The following MYO6 variants were observed in gnomAD, a reference collection of about 807,000 sequenced individuals.
MYO6 encodes the protein myosin VI.
Under a neutral mutation model 178.7 loss-of-function variants are expected in MYO6, and 74 were observed. The observed-to-expected ratio is 0.41, with a 90% CI of 0.34 to 0.50. MYO6 has a LOEUF of 0.50. Among genes scored for constraint, MYO6 ranks in the 20% least tolerant of loss-of-function variants. MYO6 has a pLI of 0.09. For synonymous variants in MYO6, 477 were observed against 504.6 expected, an observed-to-expected ratio of 0.95 and a Z score of 0.73; for missense variants, 1,330 against 1,547.4, an observed-to-expected ratio of 0.86 and a Z score of 2.36.
intron 1 of MYO6, among the ~76,000 whole-genome samples, chr6:75,754,300 C>T (rs1482390020): frequency 6.6e-6 from 1 of 152,046 alleles, no homozygotes; most frequent in African/African-American, 2.4e-5. Context: ...GTGGGTGGAT[C>T]ACCTGAGGTC....
intron 19 of MYO6, 146 bp from the exon 20 acceptor site, chr6:75,873,061 C>A: frequency 1.4e-6 from 1 of 700,156 alleles, no homozygotes; most frequent in Non-Finnish European, 2.5e-6. Context: ...GCATGAGCCA[C>A]TGCTCCCAGC....
chr6:75,767,238 C>T (rs2150007703), intron 1 of MYO6, among the ~76,000 whole-genome samples: 1 of 152,120 alleles, frequency 6.6e-6, no homozygotes, highest in African/African-American at 2.4e-5. Context: ...GTTGACTAGG[C>T]TGGTCTCGAA....
intron 1 of MYO6, among the ~76,000 whole-genome samples, chr6:75,781,474 G>A (rs1281270270): frequency 6.6e-6 from 1 of 152,136 alleles, no homozygotes; most frequent in African/African-American, 2.4e-5. Flanking sequence ...GACCCATTCT[G>A]TAACAGTGAG....
At chr6:75,824,142 G>A (rs1049929685) in intron 3 of MYO6, among the ~76,000 whole-genome samples, 42 of 152,314 alleles carry the variant, frequency 2.8e-4, no homozygotes, top group African/African-American at 9.9e-4. Flanking sequence ...GTCTCTAAAT[G>A]TGACAAATGG....
chr6:75,806,163 C>G (rs1770063650), intron 1 of MYO6, among the ~76,000 whole-genome samples: 1 of 151,978 alleles, frequency 6.6e-6, no homozygotes, highest in Non-Finnish European at 1.5e-5. Context: ...AAACCTTGCA[C>G]TAGATACAAA....
At chr6:75,813,470 C>T (rs931092273) in intron 1 of MYO6, among the ~76,000 whole-genome samples, 1 of 152,188 alleles carries the variant, frequency 6.6e-6, no homozygotes, top group Non-Finnish European at 1.5e-5. Flanking sequence ...AAATGCCATC[C>T]AAGAGTCAAG....
intron 1 of MYO6, among the ~76,000 whole-genome samples, chr6:75,765,867 T>TA (rs1280482912): frequency 6.6e-6 from 1 of 151,540 alleles, no homozygotes; most frequent in Non-Finnish European, 1.5e-5. Context: ...CTACTAAGAA[T>TA]AAAAAAAAGG....
rs1397805115 is a variant in MYO6 at position 75,917,638 on chromosome 6, C to T, written c.*2626C>T. ...CACAAAGGCATTCTATTGTTATGCT[C>T]ATTCTGCTTCTGTAATGACTTTTCA... On this transcript the variant is annotated 3_prime_UTR_variant, in exon 35 of 35. Coordinates refer to ENST00000369977, the MANE Select transcript of MYO6 (RefSeq NM_004999.4). The T allele has an allele frequency of 1.3e-5, 2 of 152,284 alleles. No individual in the cohort carries two copies. The highest frequency in any genetic ancestry group is 2.9e-5 in the Non-Finnish European group (2 of 68,042). The allele number at this position is 152,284 out of a possible 1,614,324, so 9.4% of individuals were successfully genotyped here. A position where few individuals can be genotyped will look rare whatever the true frequency, so the allele number is the denominator to read the frequency against.
chr6:75,824,715 A>G (rs1340330217), intron 3 of MYO6, among the ~76,000 whole-genome samples: 1 of 152,000 alleles, frequency 6.6e-6, no homozygotes, highest in Admixed American at 6.6e-5. Flanking sequence ...GTGCCTTAAC[A>G]GTGCCTTAAC....
chr6:75,899,850 G>A (rs1010882815), intron 30 of MYO6, among the ~76,000 whole-genome samples: 3 of 147,718 alleles, frequency 2.0e-5, no homozygotes, highest in Non-Finnish European at 4.5e-5. Context: ...TCGTCATCTA[G>A]CATTAGGTAT....
At chr6:75,876,497 T>G (rs1027448778) in intron 20 of MYO6, among the ~76,000 whole-genome samples, 1 of 152,214 alleles carries the variant, frequency 6.6e-6, no homozygotes, top group Non-Finnish European at 1.5e-5. Flanking sequence ...AAAGTAGAGA[T>G]GTATTTTTGT....
At chr6:75,857,577 A>G (rs904614254) in intron 13 of MYO6, among the ~76,000 whole-genome samples, 1 of 152,216 alleles carries the variant, frequency 6.6e-6, no homozygotes, top group Non-Finnish European at 1.5e-5. Flanking sequence ...AATAAAGATA[A>G]TACATTCACT....
At chr6:75,775,241 G>T (rs1307469162) in intron 1 of MYO6, among the ~76,000 whole-genome samples, 1 of 152,152 alleles carries the variant, frequency 6.6e-6, no homozygotes, top group Non-Finnish European at 1.5e-5. Flanking sequence ...GGGATTTGTG[G>T]TTGCCATGTT....
chr6:75,899,871 G>A (rs1018784999), intron 30 of MYO6, among the ~76,000 whole-genome samples: 70 of 138,476 alleles, frequency 5.1e-4, no homozygotes, highest in African/African-American at 1.8e-3. Context: ...ATCTCCCAAT[G>A]CTATCCCTCC....
Position 75,889,647 on chromosome 6 carries a change from A to G in MYO6, c.2659-410A>G, listed in dbSNP as rs189979562. Among the ~76,000 whole-genome samples the G allele has an allele frequency of 2.7e-3, 405 of 152,320 alleles. 1 individual carries two copies. Among genetic ancestry groups the G allele is most frequent in the African/African-American group, 9.4e-3 (390 of 41,568 alleles). ...AGGCTGGTCTCGAACTCCTGACCTC[A>G]GGTGATCTGTCCACCTTGGCCTCCC... On this transcript the variant is annotated intron_variant, in intron 25 of 34. Transcript: ENST00000369977.
intron 31 of MYO6, 88 bp downstream of exon 31, chr6:75,907,796 G>GTGTGTGTGGGTGTGTGTGTGTA (rs1281707722): frequency 1.3e-5 from 6 of 450,584 alleles, no homozygotes; most frequent in Middle Eastern, 3.7e-4. Flanking sequence ...GTGTGTGTAT[G>GTGTGTGTGGGTGTGTGTGTGTA]TGTGTGTGTG....
In MYO6 at chr6:75,783,556, CT is replaced by C. The variant is rs199499336; in HGVS notation, c.-47-33929del. Among the ~76,000 whole-genome samples, 958 of 127,588 alleles carry C rather than the reference CT, an allele frequency of 7.5e-3. 3 individuals carry two copies. Among genetic ancestry groups the C allele is most frequent in the Middle Eastern group, 0.013 (3 of 238 alleles). 83.7% of individuals were successfully genotyped at this position (127,588 alleles called of 152,430 possible). A position where few individuals can be genotyped will look rare whatever the true frequency, so the allele number is the denominator to read the frequency against. On this transcript the variant is annotated intron_variant, in intron 1 of 34. Coordinates refer to ENST00000369977, the MANE Select transcript of MYO6 (RefSeq NM_004999.4). ...TCTCTGAGATGACATTTGATATCTTCTTTTTTTTTTTTTTTTGCCATTTAAA... is the reference window on the plus strand; with the variant it reads ...TCTCTGAGATGACATTTGATATCTTCTTTTTTTTTTTTTTTGCCATTTAAA...
chr6:75,888,670 A>G (rs1269576598), intron 25 of MYO6, among the ~76,000 whole-genome samples: 1 of 151,938 alleles, frequency 6.6e-6, no homozygotes. Context: ...TAACAAATTC[A>G]GTTAGTTACT....
chr6:75,757,515 G>A (rs768658063), intron 1 of MYO6, among the ~76,000 whole-genome samples: 2 of 151,462 alleles, frequency 1.3e-5, no homozygotes, highest in African/African-American at 2.4e-5. Context: ...TAGCTTGTTG[G>A]GTGAGGGGTG....
Sources: allele counts gnomAD v4.1 joint callset (sites outside exome capture counted in the v4.1 genomes callset), GRCh38; gene constraint gnomAD v4.1.1; transcripts MANE v1.5; gene names NCBI Gene and HGNC (gene_info 2026-07-23, HGNC 2026-07-21).